The following DPY19L1 variants were observed in gnomAD, a reference collection of about 807,000 sequenced individuals.
The protein encoded by DPY19L1 is protein C-mannosyl-transferase DPY19L1.
Under a neutral mutation model 96.9 loss-of-function variants are expected in DPY19L1, and 35 were observed. The ratio of observed to expected loss-of-function variants is 0.36; its 90% CI spans 0.28 to 0.48. The LOEUF (loss-of-function observed/expected upper bound fraction) is 0.48, where lower values mean the gene tolerates loss of function less well. Among genes scored for constraint, DPY19L1 ranks in the 20% least tolerant of loss-of-function variants. The probability of loss-of-function intolerance (pLI) is 0.99; values close to 1 mark genes in which losing one functional copy is unlikely to be tolerated. For synonymous variants in DPY19L1, 205 were observed against 252.6 expected, an observed-to-expected ratio of 0.81 and a Z score of 1.79; for missense variants, 521 against 777.9, an observed-to-expected ratio of 0.67 and a Z score of 3.93.
In DPY19L1 at chr7:34,949,661, C is replaced by T. The variant is rs1381564700; in HGVS notation, c.1422+136G>A. ...GCACTAAAGTAAACAGAAAAATCTTCCTCTAAGCTGCCAGATTTTCCTTTT... is the reference window on the plus strand; with the variant it reads ...GCACTAAAGTAAACAGAAAAATCTTTCTCTAAGCTGCCAGATTTTCCTTTT... On this transcript the variant is annotated intron_variant, in intron 14 of 21. Coordinates refer to ENST00000638088, the MANE Select transcript of DPY19L1 (RefSeq NM_001366673.1). 8.4e-6 allele frequency: 5 copies of T among 594,608 alleles called. No individual in the cohort carries two copies. In the East Asian group the frequency reaches 1.7e-4, roughly 20 times the overall value. The allele number at this position is 594,608 out of a possible 1,614,324, so 36.8% of individuals were successfully genotyped here.
chr7:34,963,332 A>G (rs1399025339), intron 10 of DPY19L1, among the ~76,000 whole-genome samples: 1 of 152,212 alleles, frequency 6.6e-6, no homozygotes, highest in East Asian at 1.9e-4. Flanking sequence ...AAGAGCAGAA[A>G]ATAAATGTTG....
chr7:34,945,846 A>C (rs1784134241), intron 15 of DPY19L1, 130 bp from the exon 16 acceptor site: 1 of 668,230 alleles, frequency 1.5e-6, no homozygotes, highest in African/African-American at 1.9e-5. Context: ...AGAAAATAAT[A>C]ATCACAACAA....
At chr7:34,982,750 G>C (rs1371810018) in intron 7 of DPY19L1, among the ~76,000 whole-genome samples, 1 of 152,162 alleles carries the variant, frequency 6.6e-6, no homozygotes, top group Non-Finnish European at 1.5e-5. Context: ...AGTATTTGTT[G>C]TGACAGCCAC....
At chr7:35,002,807 C>T (rs1241988422) in intron 6 of DPY19L1, among the ~76,000 whole-genome samples, 18 of 152,158 alleles carry the variant, frequency 1.2e-4, no homozygotes, top group Non-Finnish European at 2.4e-4. Context: ...CTTGCTCTGT[C>T]GCCCAGGCTG....
At chr7:35,021,524 G>A (rs10265125) in intron 1 of DPY19L1, among the ~76,000 whole-genome samples, 39,657 of 152,078 alleles carry the variant, frequency 0.26, 5,413 homozygotes, top group Non-Finnish European at 0.31. Context: ...GCTAACACTT[G>A]AATGCTTATT....
intron 3 of DPY19L1, among the ~76,000 whole-genome samples, chr7:35,017,399 G>T (rs994135679): frequency 6.6e-6 from 1 of 151,232 alleles, no homozygotes; most frequent in Non-Finnish European, 1.5e-5. Flanking sequence ...GGAGGCTGAG[G>T]CAGGAGAATG....
chr7:35,027,309 TG>T (rs945639260), intron 1 of DPY19L1, among the ~76,000 whole-genome samples: 2 of 152,222 alleles, frequency 1.3e-5, no homozygotes, highest in African/African-American at 2.4e-5. Flanking sequence ...ACTAACACGC[TG>T]GGCTTTGTAC....
intron 21 of DPY19L1, among the ~76,000 whole-genome samples, chr7:34,934,466 CAGAT>C (rs1783823616): frequency 6.6e-6 from 1 of 152,172 alleles, no homozygotes; most frequent in Non-Finnish European, 1.5e-5. Context: ...TCTTTACAGA[CAGAT>C]ACTTTAATTG....
chr7:35,023,348 GTCCTT>G (rs2128681450), intron 1 of DPY19L1, among the ~76,000 whole-genome samples: 1 of 152,264 alleles, frequency 6.6e-6, no homozygotes, highest in East Asian at 1.9e-4. Flanking sequence ...GAGACTCACT[GTCCTT>G]TCTCTTTCTC....
rs1262572992 is a variant in DPY19L1 at position 34,940,257 on chromosome 7, A to G, written c.1760T>C (p.Ile587Thr). 6.2e-7 allele frequency: 1 copy of G among 1,611,840 alleles called. No homozygotes were observed. The highest frequency in any genetic ancestry group is 2.2e-5 in the East Asian group (1 of 44,788). The part of the protein sequence containing the change: ...IVFAILAAMS[I>T]QGSANLQTQW... ...GGTTTGCAGATTTGCTGAACCTTGT[A>G]TTGACATTGCTGCTAATATAGCAAA... The change falls in exon 19 of 22, where the codon ATA becomes ACA. Residue 587 changes from isoleucine to threonine, a missense_variant. Physicochemically the swap from Ile to Thr is moderately conservative, Grantham distance 89. Coordinates refer to ENST00000638088, the MANE Select transcript of DPY19L1 (RefSeq NM_001366673.1).
intron 1 of DPY19L1, among the ~76,000 whole-genome samples, chr7:35,031,008 T>C (rs329263): frequency 0.47 from 71,850 of 151,940 alleles, 17,421 homozygotes; most frequent in Admixed American, 0.61. Context: ...GAGTAATGTC[T>C]CAATGGTTTG....
intron 18 of DPY19L1, among the ~76,000 whole-genome samples, chr7:34,941,508 A>G (rs1048980323): frequency 7.2e-5 from 11 of 152,252 alleles, no homozygotes; most frequent in Non-Finnish European, 1.3e-4. Context: ...TCTGCTTTCT[A>G]TCAGCACCTG....
intron 6 of DPY19L1, among the ~76,000 whole-genome samples, chr7:34,992,194 C>T (rs904601587): frequency 3.3e-5 from 5 of 152,130 alleles, no homozygotes; most frequent in Non-Finnish European, 7.4e-5. Flanking sequence ...GGTGAAAACC[C>T]TTTTCTCACT....
chr7:35,023,837 T>TTTTC (rs1554363478), intron 1 of DPY19L1, among the ~76,000 whole-genome samples: 8 of 140,978 alleles, frequency 5.7e-5, no homozygotes, highest in Non-Finnish European at 1.1e-4. Flanking sequence ...TCTTTTCTTT[T>TTTTC]TTTTTTTTTT....
At chr7:34,944,092 C>A (rs1368991871) in intron 16 of DPY19L1, among the ~76,000 whole-genome samples, 2 of 151,980 alleles carry the variant, frequency 1.3e-5, no homozygotes. Flanking sequence ...GGGCCAGGCG[C>A]AGTGGCTCAT....
Position 34,939,461 on chromosome 7 carries a change from G to GT in DPY19L1, c.1865-87dup, listed in dbSNP as rs1303643317. On this transcript the variant is annotated intron_variant, in intron 19 of 21. Transcript: ENST00000638088. ...CAAGTGTAAATCAATTATTTCACAGGTAACAGAGCGGAAGCCCAGCAGGTT... is the reference window on the plus strand; with the variant it reads ...CAAGTGTAAATCAATTATTTCACAGGTTAACAGAGCGGAAGCCCAGCAGGTT... The GT allele has an allele frequency of 2.6e-6, 3 of 1,166,006 alleles. No homozygotes were observed. In the African/African-American group the frequency reaches 4.6e-5, roughly 18 times the overall value. 72.2% of individuals were successfully genotyped at this position (1,166,006 alleles called of 1,614,324 possible).
At chr7:34,990,212 T>C (rs1785137339) in intron 6 of DPY19L1, among the ~76,000 whole-genome samples, 1 of 152,244 alleles carries the variant, frequency 6.6e-6, no homozygotes, top group Admixed American at 6.5e-5. Context: ...AAATTCTTAG[T>C]AGTCATATTA....
At chr7:34,968,429 A>T (rs1397116580) in intron 9 of DPY19L1, among the ~76,000 whole-genome samples, 2 of 152,138 alleles carry the variant, frequency 1.3e-5, no homozygotes, top group Non-Finnish European at 2.9e-5. Context: ...TAGAATTAGG[A>T]CTCAAATCCA....
intron 20 of DPY19L1, among the ~76,000 whole-genome samples, chr7:34,938,668 AT>A (rs1783925160): frequency 6.6e-6 from 1 of 152,346 alleles, no homozygotes; most frequent in African/African-American, 2.4e-5. Context: ...GAAAAAGAAG[AT>A]GCTAATAAGA....
Sources: allele counts gnomAD v4.1 joint callset (sites outside exome capture counted in the v4.1 genomes callset), GRCh38; gene constraint gnomAD v4.1.1; transcripts MANE v1.5; gene names NCBI Gene and HGNC (gene_info 2026-07-23, HGNC 2026-07-21).